Variants in PLAC1 observed in about 807,000 individuals in gnomAD.
The protein encoded by PLAC1 is placenta associated 1.
For synonymous variants in PLAC1, 68 were observed against 62.1 expected (o/e 1.09, Z -0.44); for missense variants, 136 against 163.2 (o/e 0.83, Z 0.91).
At chrX:134,757,426 A>G (rs907812449) in intron 1 of PLAC1, among the ~76,000 whole-genome samples, 2 of 112,687 alleles carry the variant, frequency 1.8e-5, no homozygotes, top group African/African-American at 6.4e-5. Flanking sequence ...GCCATGATAC[A>G]AGATAACTGG....
intron 2 of PLAC1, among the ~76,000 whole-genome samples, chrX:134,577,068 C>G (rs192580806): frequency 1.8e-5 from 2 of 112,155 alleles, no homozygotes; most frequent in Admixed American, 1.9e-4. Context: ...AATGTTCTGA[C>G]TCTGTGTTTT....
At chrX:134,707,260 A>C in intron 2 of PLAC1, among the ~76,000 whole-genome samples, 1 of 112,566 alleles carries the variant, frequency 8.9e-6, no homozygotes, top group Non-Finnish European at 1.9e-5. Context: ...AAATCAAGAC[A>C]TCCTTAGATG....
chrX:134,724,682 A>G (rs1301893434), intron 2 of PLAC1, among the ~76,000 whole-genome samples: 2 of 112,481 alleles, frequency 1.8e-5, no homozygotes, highest in African/African-American at 6.5e-5. Flanking sequence ...GCATATATAC[A>G]TGATTTATGG....
At chrX:134,695,093 T>C (rs931336984) in intron 2 of PLAC1, among the ~76,000 whole-genome samples, 24 of 112,026 alleles carry the variant, frequency 2.1e-4, no homozygotes, top group African/African-American at 7.1e-4. Context: ...ATTATTAAGA[T>C]ATGATTAGTT....
chrX:134,761,902 T>C (rs1382810650), intron 1 of PLAC1, among the ~76,000 whole-genome samples: 1 of 112,234 alleles, frequency 8.9e-6, no homozygotes, highest in African/African-American at 3.2e-5. Flanking sequence ...GGTTAAATTA[T>C]GGAATGTTCA....
intron 1 of PLAC1, among the ~76,000 whole-genome samples, chrX:134,739,979 A>G (rs757315897): frequency 8.9e-6 from 1 of 111,934 alleles, no homozygotes; most frequent in South Asian, 3.8e-4. Context: ...TGGTAACACT[A>G]AAAGTAATTC....
chrX:134,747,859 A>G (rs998379451), intron 1 of PLAC1, among the ~76,000 whole-genome samples: 1 of 111,960 alleles, frequency 8.9e-6, no homozygotes, highest in African/African-American at 3.2e-5. Context: ...CCCACCCTAG[A>G]CAAGAAGCCC....
intron 2 of PLAC1, among the ~76,000 whole-genome samples, chrX:134,589,081 A>C (rs1468623562): frequency 9.0e-6 from 1 of 111,397 alleles, no homozygotes; most frequent in Non-Finnish European, 1.9e-5. Flanking sequence ...CACTGGTGGA[A>C]TCTCTATTTC....
At chrX:134,573,647 G>A (rs774651892) in intron 2 of PLAC1, among the ~76,000 whole-genome samples, 28 of 111,795 alleles carry the variant, frequency 2.5e-4, no homozygotes, top group African/African-American at 8.8e-4. Flanking sequence ...GCACATTCCC[G>A]TCTCCCTTTC....
intron 2 of PLAC1, among the ~76,000 whole-genome samples, chrX:134,696,028 A>G (rs766680478): frequency 9.0e-6 from 1 of 111,327 alleles, no homozygotes; most frequent in Non-Finnish European, 1.9e-5. Flanking sequence ...ATAAACAATG[A>G]CTTTTTTTGG....
chrX:134,764,039 TG>T (rs1406492393), intron 1 of PLAC1, among the ~76,000 whole-genome samples: 3 of 111,392 alleles, frequency 2.7e-5, no homozygotes, highest in Admixed American at 9.5e-5. Flanking sequence ...TTTTAAGATT[TG>T]GGCCATATCT....
At chrX:134,586,326 A>C (rs2077999981) in intron 2 of PLAC1, among the ~76,000 whole-genome samples, 1 of 111,865 alleles carries the variant, frequency 8.9e-6, no homozygotes, top group Admixed American at 9.5e-5. Flanking sequence ...CATCTCCTCA[A>C]TTTTAAAATT....
intron 2 of PLAC1, among the ~76,000 whole-genome samples, chrX:134,598,855 G>A (rs1265177040): frequency 9.0e-6 from 1 of 111,480 alleles, no homozygotes; most frequent in Non-Finnish European, 1.9e-5. Context: ...CTTTGTACCT[G>A]ATTAGCTTGA....
intron 1 of PLAC1, among the ~76,000 whole-genome samples, chrX:134,618,245 C>T (rs771092127): frequency 1.7e-4 from 19 of 112,084 alleles, no homozygotes; most frequent in African/African-American, 5.8e-4. Flanking sequence ...ATGGATGGAC[C>T]ACTGAGCATG....
rs371557284 is a variant in PLAC1, at chrX:134,672,059, T to C, written n.174+61376A>G. ...GTTTCATCCACTGCTGTATCCCCAGTACAAAGTACACTGCCTGTCATATAG... is the reference window on the plus strand; with the variant it reads ...GTTTCATCCACTGCTGTATCCCCAGCACAAAGTACACTGCCTGTCATATAG... On this transcript the variant is annotated intron_variant and non_coding_transcript_variant, in intron 2 of 2. Coordinates refer to the PLAC1 transcript ENST00000466797. 9.0e-5 allele frequency among the ~76,000 whole-genome samples: 10 copies of C among 111,595 alleles called. No individual in the cohort carries two copies. The South Asian group carries it at 3.8e-3, about 42-fold the overall frequency.
At chrX:134,568,327 T>C (rs755137974) in intron 2 of PLAC1, among the ~76,000 whole-genome samples, 1 of 113,093 alleles carries the variant, frequency 8.8e-6, no homozygotes, top group Non-Finnish European at 1.9e-5. Context: ...AAGACATTTC[T>C]CTCTTCTCTT....
intron 1 of PLAC1, chrX:134,607,572 A>C (rs1212832753): frequency 5.9e-6 from 1 of 169,518 alleles, no homozygotes; most frequent in East Asian, 1.6e-4. Context: ...CACACTGTGC[A>C]AGAACCAGTG....
At chrX:134,597,252 T>C (rs1028029352) in intron 2 of PLAC1, among the ~76,000 whole-genome samples, 7 of 111,851 alleles carry the variant, frequency 6.3e-5, no homozygotes, top group Non-Finnish European at 1.1e-4. Context: ...TTTTCCTTTG[T>C]CCCCTCCATT....
intron 1 of PLAC1, among the ~76,000 whole-genome samples, chrX:134,632,774 A>G (rs916781174): frequency 8.9e-6 from 1 of 111,957 alleles, no homozygotes; most frequent in African/African-American, 3.2e-5. Context: ...GAAAATGTGT[A>G]AAGTGCTAGG....
Sources: gnomAD v4.1 joint callset for allele counts (sites outside exome capture counted in the v4.1 genomes callset) on GRCh38, gnomAD v4.1.1 for gene constraint, MANE v1.5 for transcripts, NCBI Gene and HGNC (gene_info 2026-07-23, HGNC 2026-07-21) for gene names.